Variants in CDKAL1 observed in about 807,000 individuals in gnomAD.
CDKAL1 encodes the protein CDKAL1 threonylcarbamoyladenosine tRNA methylthiotransferase, also known as threonylcarbamoyladenosine tRNA methylthiotransferase.
CDKAL1 carries 32 observed loss-of-function variants against 68.2 expected under a neutral mutation model. The ratio of observed to expected loss-of-function variants is 0.47; its 90% CI spans 0.35 to 0.63. The LOEUF (loss-of-function observed/expected upper bound fraction) is 0.63, where lower values mean the gene tolerates loss of function less well. Among genes scored for constraint, CDKAL1 ranks in the 30% least tolerant of loss-of-function variants. The probability of loss-of-function intolerance (pLI) is 0.00; values close to 1 mark genes in which losing one functional copy is unlikely to be tolerated. For synonymous variants in CDKAL1, 234 were observed against 244.3 expected (o/e 0.96, Z 0.39); for missense variants, 606 against 696.7 (o/e 0.87, Z 1.47).
intron 13 of CDKAL1, among the ~76,000 whole-genome samples, chr6:21,169,187 C>A (rs181627002): frequency 1.3e-5 from 2 of 152,274 alleles, no homozygotes; most frequent in African/African-American, 4.8e-5. Context: ...AAGTCTGCCC[C>A]ATGGTGATAA....
intron 4 of CDKAL1, among the ~76,000 whole-genome samples, chr6:20,616,882 C>CACACAT (rs1161605572): frequency 1.4e-5 from 2 of 146,700 alleles, no homozygotes; most frequent in Non-Finnish European, 3.0e-5. Flanking sequence ...CACACACACA[C>CACACAT]TACAAAAATT....
At chr6:20,588,344 A>G (rs1428400149) in intron 4 of CDKAL1, among the ~76,000 whole-genome samples, 1 of 152,232 alleles carries the variant, frequency 6.6e-6, no homozygotes, top group African/African-American at 2.4e-5. Context: ...TACCTTCTAC[A>G]TGACTCCCTC....
intron 4 of CDKAL1, among the ~76,000 whole-genome samples, chr6:20,576,317 C>T (rs539252695): frequency 3.3e-5 from 5 of 152,304 alleles, no homozygotes; most frequent in African/African-American, 1.2e-4. Flanking sequence ...ATGATAGTGA[C>T]ACCTATCTTT....
chr6:21,136,819 A>C (rs1397643540), intron 13 of CDKAL1, among the ~76,000 whole-genome samples: 21 of 152,158 alleles, frequency 1.4e-4, no homozygotes, highest in Admixed American at 1.4e-3. Context: ...CCATCCAAAT[A>C]ACTTGTCCAG....
chr6:21,157,778 G>A (rs1776716127), intron 13 of CDKAL1, among the ~76,000 whole-genome samples: 1 of 152,160 alleles, frequency 6.6e-6, no homozygotes, highest in East Asian at 1.9e-4. Flanking sequence ...TGGAAAACTG[G>A]CAGAGCACCT....
In CDKAL1 at chr6:20,627,193, A is replaced by C. The variant is rs558461876; in HGVS notation, c.287-22100A>C. On this transcript the variant is annotated intron_variant, in intron 4 of 15. Transcript: ENST00000274695. ...ATACATAGTTTTCTCCATCAGGTCTAGTTGTAGCTTGTTGTCCTCTGGTGA... is the reference window on the plus strand; with the variant it reads ...ATACATAGTTTTCTCCATCAGGTCTCGTTGTAGCTTGTTGTCCTCTGGTGA... Among the ~76,000 whole-genome samples the C allele has an allele frequency of 4.6e-5, 7 of 152,266 alleles. No homozygotes were observed. In the East Asian group the frequency reaches 1.3e-3, roughly 29 times the overall value.
intron 6 of CDKAL1, among the ~76,000 whole-genome samples, chr6:20,745,127 G>A (rs1233688585): frequency 2.6e-5 from 4 of 152,164 alleles, no homozygotes; most frequent in African/African-American, 7.2e-5. Flanking sequence ...CTTATCTCAG[G>A]GACTATTAGC....
intron 5 of CDKAL1, among the ~76,000 whole-genome samples, chr6:20,723,919 C>T (rs192289442): frequency 1.3e-5 from 2 of 152,218 alleles, no homozygotes; most frequent in Non-Finnish European, 2.9e-5. Flanking sequence ...TCAAGTGGCT[C>T]TTGCTTTGCC....
At position 20,788,571 on chromosome 6, in the gene CDKAL1, T is replaced by C. The variant is rs145795156; in HGVS notation, c.638+7306T>C. Among the ~76,000 whole-genome samples the C allele has an allele frequency of 3.2e-3, 481 of 152,326 alleles. 4 individuals are homozygous for C. Among genetic ancestry groups the C allele is most frequent in the African/African-American group, 0.011 (449 of 41,572 alleles). On this transcript the variant is annotated intron_variant, in intron 8 of 15. Coordinates refer to ENST00000274695, the MANE Select transcript of CDKAL1 (RefSeq NM_017774.3). The stretch of plus-strand genomic sequence containing the variant: ...AGTCATAGACACTTTATTTTCTAGC[T>C]GCATGACTTGAGTAAATTAGGTGAG...
intron 4 of CDKAL1, among the ~76,000 whole-genome samples, chr6:20,593,440 T>C (rs1474040954): frequency 6.6e-6 from 1 of 152,138 alleles, no homozygotes; most frequent in Non-Finnish European, 1.5e-5. Context: ...TCTTCTACAG[T>C]TTCTAGTTTA....
intron 9 of CDKAL1, among the ~76,000 whole-genome samples, chr6:20,909,462 A>G (rs1258240651): frequency 6.6e-6 from 1 of 152,210 alleles, no homozygotes; most frequent in Non-Finnish European, 1.5e-5. Context: ...GTTTTGCTTT[A>G]AAAGGCCGCT....
chr6:20,776,104 A>C (rs555244181), intron 7 of CDKAL1, among the ~76,000 whole-genome samples: 1 of 152,160 alleles, frequency 6.6e-6, no homozygotes, highest in African/African-American at 2.4e-5. Flanking sequence ...CTTTATTTGC[A>C]TGTAGATAGT....
intron 10 of CDKAL1, among the ~76,000 whole-genome samples, chr6:20,961,971 C>T (rs1765080472): frequency 6.6e-6 from 1 of 152,096 alleles, no homozygotes; most frequent in African/African-American, 2.4e-5. Context: ...ATGAATAGTT[C>T]AAAGTAACTT....
intron 11 of CDKAL1, among the ~76,000 whole-genome samples, chr6:21,049,382 A>G (rs1024550684): frequency 1.3e-5 from 2 of 152,210 alleles, no homozygotes; most frequent in African/African-American, 4.8e-5. Context: ...AATTCATGTT[A>G]CCATAGAAAC....
At chr6:20,637,106 T>C (rs983790689) in intron 4 of CDKAL1, among the ~76,000 whole-genome samples, 4 of 151,690 alleles carry the variant, frequency 2.6e-5, no homozygotes, top group Non-Finnish European at 4.4e-5. Flanking sequence ...CTGCCAAATG[T>C]TTATGGTGTC....
chr6:20,784,812 T>G (rs1297900822), intron 8 of CDKAL1, among the ~76,000 whole-genome samples: 1 of 152,196 alleles, frequency 6.6e-6, no homozygotes, highest in Admixed American at 6.5e-5. Context: ...AAATATTTGT[T>G]GAGTAAATGT....
intron 9 of CDKAL1, among the ~76,000 whole-genome samples, chr6:20,880,190 C>A (rs1297546314): frequency 6.6e-6 from 1 of 152,104 alleles, no homozygotes; most frequent in African/African-American, 2.4e-5. Context: ...AGTGGGAATG[C>A]GAGATAATCG....
At chr6:21,199,577 C>G (rs1050055903) in intron 14 of CDKAL1, among the ~76,000 whole-genome samples, 1 of 152,294 alleles carries the variant, frequency 6.6e-6, no homozygotes, top group African/African-American at 2.4e-5. Flanking sequence ...ATTTTAAAGG[C>G]AGTGGCATGC....
At chr6:21,101,753 GAGTGAAGGGTACTTCTGTC>G (rs975623803) in intron 12 of CDKAL1, among the ~76,000 whole-genome samples, 2 of 152,126 alleles carry the variant, frequency 1.3e-5, no homozygotes, top group African/African-American at 2.4e-5. Context: ...TCTCTAGACT[GAGTGAAGGGTACTTCTGTC>G]AGTGAAGGGT....
Sources: gnomAD v4.1 joint callset for allele counts (sites outside exome capture counted in the v4.1 genomes callset) on GRCh38, gnomAD v4.1.1 for gene constraint, MANE v1.5 for transcripts, NCBI Gene and HGNC (gene_info 2026-07-23, HGNC 2026-07-21) for gene names.